DLG2: variants seen among roughly 807,000 people sequenced by gnomAD.
The protein encoded by DLG2 is discs large MAGUK scaffold protein 2.
DLG2 carries 45 observed loss-of-function variants against 132.5 expected under a neutral mutation model. The observed-to-expected ratio is 0.34, with a 90% CI of 0.27 to 0.44. The LOEUF is 0.44. DLG2 is among the 20% of genes least tolerant of loss of function. The pLI, the probability that DLG2 is intolerant of heterozygous loss-of-function variation, is 1.00. For missense variants in DLG2, 1,045 were observed against 1,196.9 expected, an observed-to-expected ratio of 0.87 and a Z score of 1.87; for synonymous variants, 424 against 419.6, an observed-to-expected ratio of 1.01 and a Z score of -0.13.
chr11:85,400,806 T>C (rs868758605), intron 3 of DLG2, among the ~76,000 whole-genome samples: 2 of 151,388 alleles, frequency 1.3e-5, no homozygotes, highest in Non-Finnish European at 2.9e-5. Flanking sequence ...AGGGGAGGGA[T>C]AGCATTAGGA....
chr11:85,471,782 A>G (rs1052261978), intron 3 of DLG2, among the ~76,000 whole-genome samples: 16 of 152,226 alleles, frequency 1.1e-4, no homozygotes, highest in African/African-American at 3.4e-4. Context: ...GCAATAATCA[A>G]TGAGCTAAAG....
At chr11:85,020,884 C>G (rs2059998958) in intron 6 of DLG2, 1 of 765,978 alleles carries the variant, frequency 1.3e-6, no homozygotes. Flanking sequence ...CCCTCCTCAG[C>G]AGAGTCATGT....
intron 6 of DLG2, among the ~76,000 whole-genome samples, chr11:84,792,814 G>C (rs1307530914): frequency 6.6e-6 from 1 of 151,758 alleles, no homozygotes; most frequent in Non-Finnish European, 1.5e-5. Context: ...TCTCTCTTTT[G>C]CTCTTAGTCT....
At chr11:84,874,985 A>AC (rs2086106033) in intron 6 of DLG2, among the ~76,000 whole-genome samples, 1 of 146,572 alleles carries the variant, frequency 6.8e-6, no homozygotes, top group South Asian at 2.2e-4. Context: ...GCACCACTGT[A>AC]CCCCAGCCTG....
chr11:84,784,682 C>T (rs1429937501), intron 6 of DLG2, among the ~76,000 whole-genome samples: 1 of 151,884 alleles, frequency 6.6e-6, no homozygotes, highest in Non-Finnish European at 1.5e-5. Flanking sequence ...TCTTTAAAAT[C>T]ATGAAATAGT....
intron 11 of DLG2, among the ~76,000 whole-genome samples, chr11:84,015,321 AG>A (rs1234921823): frequency 6.6e-6 from 1 of 152,110 alleles, no homozygotes; most frequent in Non-Finnish European, 1.5e-5. Flanking sequence ...TATCATTGCC[AG>A]GCACTTTTCT....
intron 6 of DLG2, among the ~76,000 whole-genome samples, chr11:84,838,931 A>G (rs2080201784): frequency 6.6e-6 from 1 of 152,148 alleles, no homozygotes; most frequent in Admixed American, 6.6e-5. Flanking sequence ...GAAAACTGGT[A>G]CAAGACAGGG....
chr11:84,408,500 C>A (rs915500580), intron 7 of DLG2, among the ~76,000 whole-genome samples: 1 of 152,154 alleles, frequency 6.6e-6, no homozygotes, highest in East Asian at 1.9e-4. Context: ...TTGCTTGGGA[C>A]TCAGGGTTGC....
At chr11:85,423,390 T>C (rs548595726) in intron 3 of DLG2, among the ~76,000 whole-genome samples, 12 of 152,326 alleles carry the variant, frequency 7.9e-5, no homozygotes, top group African/African-American at 2.9e-4. Flanking sequence ...TAATGCACTA[T>C]ATTTTGCTGG....
chr11:84,279,804 G>A (rs2097833370), intron 7 of DLG2, among the ~76,000 whole-genome samples: 1 of 152,208 alleles, frequency 6.6e-6, no homozygotes, highest in Admixed American at 6.5e-5. Flanking sequence ...ACTGGGGCCT[G>A]TTGTGGCATG....
Position 83,603,532 on chromosome 11 carries a change from T to A in DLG2, c.1940+29679A>T, listed in dbSNP as rs543228293. ...TAAGGTACATGCTTAAAGAAAGGAG[T>A]CGCTGAGTAATATTTTTAATTTTAT... is the stretch of plus-strand genomic sequence containing the variant. On this transcript the variant is annotated intron_variant, in intron 19 of 27. Coordinates refer to ENST00000376104, the MANE Select transcript of DLG2 (RefSeq NM_001142699.3). 4.6e-5 allele frequency among the ~76,000 whole-genome samples: 7 copies of A among 152,040 alleles called. No homozygotes were observed. In the East Asian group the frequency reaches 1.2e-3, roughly 25 times the overall value.
chr11:84,495,107 C>A (rs188771075), intron 7 of DLG2, among the ~76,000 whole-genome samples: 2 of 152,234 alleles, frequency 1.3e-5, no homozygotes, highest in African/African-American at 4.8e-5. Context: ...AAATTTCTAA[C>A]ATTTTTCATT....
At chr11:85,069,489 G>A (rs549874100) in intron 6 of DLG2, among the ~76,000 whole-genome samples, 13 of 152,064 alleles carry the variant, frequency 8.5e-5, no homozygotes, top group South Asian at 6.2e-4. Flanking sequence ...AAAAGTGGGC[G>A]AAGGATATGA....
At chr11:85,309,672 C>A (rs1051866226) in intron 3 of DLG2, among the ~76,000 whole-genome samples, 1 of 152,156 alleles carries the variant, frequency 6.6e-6, no homozygotes, top group African/African-American at 2.4e-5. Flanking sequence ...ACTAGAGACA[C>A]ACAAATTTAC....
At chr11:83,540,966 T>A (rs1391827613) in intron 20 of DLG2, among the ~76,000 whole-genome samples, 1 of 152,058 alleles carries the variant, frequency 6.6e-6, no homozygotes, top group Non-Finnish European at 1.5e-5. Context: ...GATTAAGGAG[T>A]TGGCTGTTCT....
intron 6 of DLG2, among the ~76,000 whole-genome samples, chr11:84,888,079 A>C (rs2088640887): frequency 6.6e-6 from 1 of 152,124 alleles, no homozygotes; most frequent in African/African-American, 2.4e-5. Context: ...TCCCTTCTCC[A>C]TAGAACACTG....
chr11:84,640,779 A>T lies in DLG2; in HGVS notation c.358-106048T>A, dbSNP rs564053781. Among the ~76,000 whole-genome samples the T allele has an allele frequency of 9.2e-5, 14 of 152,180 alleles. No homozygotes were observed. The South Asian group carries it at 2.7e-3, about 29-fold the overall frequency. ...ACGTGGTGAAACCCCATCTCTACTA[A>T]AAATGCAAAAATTAGCCAAGCGTGG... On this transcript the variant is annotated intron_variant, in intron 6 of 27. Coordinates refer to ENST00000376104, the MANE Select transcript of DLG2 (RefSeq NM_001142699.3).
At chr11:84,197,321 A>T (rs1306355955) in intron 8 of DLG2, among the ~76,000 whole-genome samples, 1 of 152,160 alleles carries the variant, frequency 6.6e-6, no homozygotes, top group Non-Finnish European at 1.5e-5. Flanking sequence ...ATGATGTGTG[A>T]GGTGATCTAT....
chr11:85,066,004 CT>C lies in DLG2; in HGVS notation c.357+45656del, dbSNP rs144874981. Among the ~76,000 whole-genome samples the C allele has an allele frequency of 4.9e-3, 739 of 151,584 alleles. 16 individuals carry two copies. In the East Asian group the frequency reaches 0.065, roughly 13 times the overall value. On this transcript the variant is annotated intron_variant, in intron 6 of 27. Transcript: ENST00000376104. Reference sequence around the variant, plus strand: ...AAGTGAGATAATAAATGCAATACAACTTTTCACAAAATGAAAAGTGGGTTCT... The same window carrying C: ...AAGTGAGATAATAAATGCAATACAACTTTCACAAAATGAAAAGTGGGTTCT...
Sources: allele counts gnomAD v4.1 joint callset (sites outside exome capture counted in the v4.1 genomes callset), GRCh38; gene constraint gnomAD v4.1.1; transcripts MANE v1.5; gene names NCBI Gene and HGNC (gene_info 2026-07-23, HGNC 2026-07-21).